The following ROBO1 variants were observed in gnomAD, a reference collection of about 807,000 sequenced individuals.
The protein encoded by ROBO1 is roundabout guidance receptor 1.
A neutral mutation model predicts 195.9 loss-of-function variants in ROBO1; 149 were observed. The observed-to-expected ratio is 0.76, with a 90% CI of 0.67 to 0.87. The LOEUF (loss-of-function observed/expected upper bound fraction) is 0.87. Ranked by LOEUF, ROBO1 falls within the 40% of genes least tolerant of loss-of-function variation. ROBO1 has a pLI of 0.00. For missense variants in ROBO1, 1,933 were observed against 2,068.3 expected, an observed-to-expected ratio of 0.93 and a Z score of 1.27; for synonymous variants, 816 against 733.2, an observed-to-expected ratio of 1.11 and a Z score of -1.82.
At chr3:78,714,601 C>A (rs2081854201) in intron 7 of ROBO1, 77 bp from the exon 8 acceptor site, 2 of 1,306,628 alleles carry the variant, frequency 1.5e-6, no homozygotes, top group African/African-American at 1.5e-5. Context: ...CACAATGCTT[C>A]AAAGCACATG....
chr3:79,023,844 C>T lies in ROBO1; in HGVS notation c.173-84917G>A, dbSNP rs868136938. Reference sequence around the variant, plus strand: ...TCATTCTCCCAGGTAGCTGGGATTACAGGTGCTGGCCACCACACCCGGCTA... The same window carrying T: ...TCATTCTCCCAGGTAGCTGGGATTATAGGTGCTGGCCACCACACCCGGCTA... On this transcript the variant is annotated intron_variant, in intron 3 of 30. Transcript: ENST00000464233. Among the ~76,000 whole-genome samples the T allele has an allele frequency of 1.1e-4, 16 of 151,304 alleles. No individual in the cohort carries two copies. In the South Asian group the frequency reaches 2.5e-3, roughly 24 times the overall value.
At chr3:78,990,394 A>C (rs2077209964) in intron 3 of ROBO1, among the ~76,000 whole-genome samples, 1 of 152,196 alleles carries the variant, frequency 6.6e-6, no homozygotes, top group Non-Finnish European at 1.5e-5. Context: ...AATGAATCTG[A>C]GACAGGTTCT....
intron 2 of ROBO1, among the ~76,000 whole-genome samples, chr3:79,467,295 C>T (rs2107297757): frequency 6.6e-6 from 1 of 151,976 alleles, no homozygotes; most frequent in East Asian, 2.0e-4. Context: ...GACAGAAATA[C>T]TGATTAGAAG....
chr3:79,430,837 T>G (rs2038647740), intron 2 of ROBO1, among the ~76,000 whole-genome samples: 1 of 152,172 alleles, frequency 6.6e-6, no homozygotes. Context: ...AATAAGTTAT[T>G]GATGGGATTT....
At chr3:79,503,164 G>T (rs1234215978) in intron 2 of ROBO1, among the ~76,000 whole-genome samples, 2 of 152,124 alleles carry the variant, frequency 1.3e-5, no homozygotes, top group African/African-American at 2.4e-5. Context: ...GCGAAGGTTT[G>T]CAGCTTCACT....
At chr3:79,601,654 A>C (rs1944343273) in intron 1 of ROBO1, among the ~76,000 whole-genome samples, 1 of 151,962 alleles carries the variant, frequency 6.6e-6, no homozygotes. Flanking sequence ...ATACTCATAA[A>C]GTCTATGTGT....
intron 2 of ROBO1, among the ~76,000 whole-genome samples, chr3:79,463,591 G>C (rs2107276064): frequency 1.3e-5 from 2 of 152,178 alleles, no homozygotes; most frequent in Admixed American, 1.3e-4. Flanking sequence ...GCCAACTTTA[G>C]ATGGTAACTT....
chr3:79,098,680 A>C (rs2079616006), intron 3 of ROBO1, among the ~76,000 whole-genome samples: 1 of 151,900 alleles, frequency 6.6e-6, no homozygotes, highest in African/African-American at 2.4e-5. Flanking sequence ...ACAGTGTTTC[A>C]CATAGTTGTT....
At chr3:78,942,046 A>G (rs2040170945) in intron 3 of ROBO1, among the ~76,000 whole-genome samples, 1 of 152,172 alleles carries the variant, frequency 6.6e-6, no homozygotes, top group Admixed American at 6.5e-5. Context: ...CATGCCTGTA[A>G]TTCCAGCACT....
chr3:79,091,057 G>A (rs774186836), intron 3 of ROBO1, among the ~76,000 whole-genome samples: 1 of 152,084 alleles, frequency 6.6e-6, no homozygotes, highest in African/African-American at 2.4e-5. Flanking sequence ...ATTTAAATCA[G>A]CTGCAGGTCT....
At chr3:78,683,411 C>T (rs2080977620) in intron 10 of ROBO1, among the ~76,000 whole-genome samples, 1 of 151,838 alleles carries the variant, frequency 6.6e-6, no homozygotes, top group East Asian at 1.9e-4. Context: ...GTGAAATTTT[C>T]ACAAGTTTAT....
chr3:79,767,198 G>A (rs1025501243), intron 1 of ROBO1, among the ~76,000 whole-genome samples: 10 of 152,150 alleles, frequency 6.6e-5, no homozygotes, highest in Admixed American at 6.5e-4. Context: ...AAGTTTGGAA[G>A]CTCCCTGCAG....
chr3:79,765,492 C>T (rs1410723930), intron 1 of ROBO1, among the ~76,000 whole-genome samples: 1 of 152,108 alleles, frequency 6.6e-6, no homozygotes, highest in East Asian at 1.9e-4. Flanking sequence ...TTACAGATTG[C>T]CTTTGAAAGT....
At chr3:78,973,604 C>A (rs908538970) in intron 3 of ROBO1, among the ~76,000 whole-genome samples, 1 of 139,442 alleles carries the variant, frequency 7.2e-6, no homozygotes, top group Non-Finnish European at 1.5e-5. Flanking sequence ...TATATAGCTT[C>A]TTAGGTTAAT....
chr3:79,017,325 C>G (rs893838273), intron 3 of ROBO1, among the ~76,000 whole-genome samples: 1 of 151,898 alleles, frequency 6.6e-6, no homozygotes, highest in Non-Finnish European at 1.5e-5. Context: ...AACCATAGAC[C>G]ACAAAAGCTC....
At chr3:78,952,879 T>A (rs942394142) in intron 3 of ROBO1, among the ~76,000 whole-genome samples, 2 of 152,044 alleles carry the variant, frequency 1.3e-5, no homozygotes, top group Non-Finnish European at 2.9e-5. Context: ...GAGGAAAACT[T>A]CTCCAGTCAA....
intron 2 of ROBO1, among the ~76,000 whole-genome samples, chr3:79,449,964 A>G (rs564794899): frequency 6.6e-6 from 1 of 152,236 alleles, no homozygotes; most frequent in South Asian, 2.1e-4. Flanking sequence ...CCCAAGAGTG[A>G]CTTCAACATC....
intron 8 of ROBO1, 53 bp downstream of exon 8, chr3:78,714,344 C>T: frequency 6.4e-7 from 1 of 1,566,034 alleles, no homozygotes; most frequent in Non-Finnish European, 8.7e-7. Flanking sequence ...CAATTATCAG[C>T]ACTATATTTT....
intron 5 of ROBO1, among the ~76,000 whole-genome samples, chr3:78,721,198 G>T (rs1054555308): frequency 2.0e-5 from 3 of 152,054 alleles, no homozygotes; most frequent in African/African-American, 7.2e-5. Context: ...TAATAAACTT[G>T]AGTTTAAAAA....
Sources: allele counts gnomAD v4.1 joint callset (sites outside exome capture counted in the v4.1 genomes callset), GRCh38; gene constraint gnomAD v4.1.1; transcripts MANE v1.5; gene names NCBI Gene and HGNC (gene_info 2026-07-23, HGNC 2026-07-21).